EYA4: variants seen among roughly 807,000 people sequenced by gnomAD.
EYA4 encodes protein phosphatase EYA4.
Under a neutral mutation model 87.9 loss-of-function variants are expected in EYA4, and 31 were observed. The ratio of observed to expected loss-of-function variants is 0.35; its 90% CI spans 0.27 to 0.48. EYA4 has a LOEUF of 0.48. Ranked by LOEUF, EYA4 falls within the 20% of genes least tolerant of loss-of-function variation. The pLI, the probability that EYA4 is intolerant of heterozygous loss-of-function variation, is 0.99. For synonymous variants in EYA4, 263 were observed against 270.6 expected (o/e 0.97, Z 0.28); for missense variants, 678 against 761.4 (o/e 0.89, Z 1.29).
chr6:133,488,862 G>T (rs941412599), intron 13 of EYA4, among the ~76,000 whole-genome samples: 2 of 152,128 alleles, frequency 1.3e-5, no homozygotes, highest in African/African-American at 4.8e-5. Flanking sequence ...TCAGACACTG[G>T]TGGGCATCCA....
At chr6:133,343,671 CAAAT>C (rs1415192669) in intron 2 of EYA4, among the ~76,000 whole-genome samples, 1 of 151,168 alleles carries the variant, frequency 6.6e-6, no homozygotes, top group Non-Finnish European at 1.5e-5. Flanking sequence ...CTAATAATAA[CAAAT>C]AACACACCAC....
intron 13 of EYA4, among the ~76,000 whole-genome samples, chr6:133,500,227 AT>A (rs748284560): frequency 6.6e-6 from 1 of 151,716 alleles, no homozygotes; most frequent in Non-Finnish European, 1.5e-5. Context: ...AGATAATCCG[AT>A]TTAGTTGGTA....
intron 2 of EYA4, among the ~76,000 whole-genome samples, chr6:133,312,659 A>T (rs1780319111): frequency 6.6e-6 from 1 of 152,198 alleles, no homozygotes; most frequent in Non-Finnish European, 1.5e-5. Context: ...TTCAAGCTGG[A>T]CTATCATTTT....
At chr6:133,285,054 T>C (rs561545762) in intron 2 of EYA4, among the ~76,000 whole-genome samples, 10 of 151,768 alleles carry the variant, frequency 6.6e-5, no homozygotes, top group African/African-American at 2.4e-4. Flanking sequence ...TGGAGTGCAG[T>C]GGCGCGAGCT....
chr6:133,488,264 T>A (rs1280674209), intron 13 of EYA4, among the ~76,000 whole-genome samples: 1 of 152,048 alleles, frequency 6.6e-6, no homozygotes, highest in Non-Finnish European at 1.5e-5. Flanking sequence ...ACCAGGTAGA[T>A]TCCAGATTCA....
At chr6:133,386,643 C>T (rs376828955) in intron 3 of EYA4, among the ~76,000 whole-genome samples, 7 of 152,168 alleles carry the variant, frequency 4.6e-5, no homozygotes, top group Non-Finnish European at 1.5e-5. Context: ...ATTTTATACT[C>T]GTTTTGTTAA....
intron 11 of EYA4, among the ~76,000 whole-genome samples, chr6:133,481,016 G>A (rs530470963): frequency 6.7e-6 from 1 of 148,876 alleles, no homozygotes; most frequent in East Asian, 2.0e-4. Flanking sequence ...TGGAAGGGAA[G>A]ATGAGAGAGG....
At chr6:133,482,496 T>C (rs2128709892) in intron 12 of EYA4, among the ~76,000 whole-genome samples, 1 of 152,304 alleles carries the variant, frequency 6.6e-6, no homozygotes, top group South Asian at 2.1e-4. Context: ...ACCCTGAAGT[T>C]TGTGGGCAAT....
intron 3 of EYA4, among the ~76,000 whole-genome samples, chr6:133,383,599 T>C (rs1387708196): frequency 6.6e-6 from 1 of 151,446 alleles, no homozygotes; most frequent in African/African-American, 2.4e-5. Flanking sequence ...TTATGTATAG[T>C]CCACTTATAG....
chr6:133,436,079 C>T (rs373898354), intron 3 of EYA4, among the ~76,000 whole-genome samples: 18 of 152,158 alleles, frequency 1.2e-4, no homozygotes, highest in East Asian at 5.8e-4. Context: ...ATTAGCCAGG[C>T]GTGGTGGCAC....
At chr6:133,244,147 G>A (rs982601246) in intron 1 of EYA4, among the ~76,000 whole-genome samples, 17 of 152,172 alleles carry the variant, frequency 1.1e-4, no homozygotes, top group Middle Eastern at 6.8e-3. Context: ...AATAAGTAAA[G>A]GTCTACAATC....
chr6:133,337,509 A>T (rs944817805), intron 2 of EYA4, among the ~76,000 whole-genome samples: 6 of 152,220 alleles, frequency 3.9e-5, no homozygotes, highest in South Asian at 4.1e-4. Flanking sequence ...GGGAAGAAAG[A>T]TCCAAGATTT....
At chr6:133,525,773 G>A (rs1800588882) in intron 19 of EYA4, 1 of 334,536 alleles carries the variant, frequency 3.0e-6, no homozygotes, top group Non-Finnish European at 4.3e-6. Context: ...AAGTAGGCAT[G>A]CTCCATGATA....
At chr6:133,326,372 C>T (rs896948582) in intron 2 of EYA4, among the ~76,000 whole-genome samples, 7 of 152,184 alleles carry the variant, frequency 4.6e-5, no homozygotes, top group African/African-American at 1.7e-4. Context: ...AATAAATGCT[C>T]TTTGGAGCAT....
intron 16 of EYA4, among the ~76,000 whole-genome samples, 192 bp from the exon 17 acceptor site, chr6:133,515,125 GTAAA>G (rs1242180622): frequency 6.6e-6 from 1 of 152,194 alleles, no homozygotes; most frequent in East Asian, 1.9e-4. Context: ...TAGAAGTTCA[GTAAA>G]TATTCATTGA....
At chr6:133,331,873 A>G (rs1781987722) in intron 2 of EYA4, among the ~76,000 whole-genome samples, 1 of 152,226 alleles carries the variant, frequency 6.6e-6, no homozygotes, top group African/African-American at 2.4e-5. Flanking sequence ...GAGGCCAAAA[A>G]TAGGTAATGC....
intron 2 of EYA4, among the ~76,000 whole-genome samples, chr6:133,355,245 C>T (rs886093276): frequency 8.5e-5 from 13 of 152,070 alleles, no homozygotes; most frequent in Admixed American, 2.0e-4. Context: ...CTCCTGCCAC[C>T]CTCCACCCTT....
At chr6:133,272,870 A>G (rs1383794142) in intron 1 of EYA4, among the ~76,000 whole-genome samples, 5 of 151,896 alleles carry the variant, frequency 3.3e-5, no homozygotes, top group Admixed American at 2.6e-4. Context: ...ATCTCAACCT[A>G]TTTTCAAACT....
intron 2 of EYA4, chr6:133,363,262 G>A (rs1784588044): frequency 6.6e-6 from 1 of 152,232 alleles, no homozygotes; most frequent in African/African-American, 2.4e-5. Flanking sequence ...GTACAGAAGT[G>A]CTTCTTCCTT....
Sources: gnomAD v4.1 joint callset for allele counts (sites outside exome capture counted in the v4.1 genomes callset) on GRCh38, gnomAD v4.1.1 for gene constraint, MANE v1.5 for transcripts, NCBI Gene and HGNC (gene_info 2026-07-23, HGNC 2026-07-21) for gene names.